PRDM6: variants seen among roughly 807,000 people sequenced by gnomAD.
PRDM6 encodes the protein putative histone-lysine N-methyltransferase PRDM6.
A neutral mutation model predicts 60.8 loss-of-function variants in PRDM6; 25 were observed. The ratio of observed to expected loss-of-function variants is 0.41; its 90% CI spans 0.30 to 0.57. PRDM6 has a LOEUF of 0.57. Ranked by LOEUF, PRDM6 falls within the 20% of genes least tolerant of loss-of-function variation. The pLI, the probability that PRDM6 is intolerant of heterozygous loss-of-function variation, is 0.27. For synonymous variants in PRDM6, 407 were observed against 357.4 expected, an observed-to-expected ratio of 1.14 and a Z score of -1.57; for missense variants, 839 against 821.3, an observed-to-expected ratio of 1.02 and a Z score of -0.26.
chr5:123,120,573 C>T (rs1411557254), intron 3 of PRDM6, among the ~76,000 whole-genome samples: 2 of 152,152 alleles, frequency 1.3e-5, no homozygotes, highest in Non-Finnish European at 2.9e-5. Flanking sequence ...TTTAAATTCT[C>T]ACAGCTCACC....
chr5:123,137,930 G>T (rs1234696084), intron 3 of PRDM6, among the ~76,000 whole-genome samples: 1 of 152,116 alleles, frequency 6.6e-6, no homozygotes, highest in African/African-American at 2.4e-5. Context: ...GTCATTTTAA[G>T]AATATTAAGT....
chr5:123,110,635 T>C (rs970794323), intron 3 of PRDM6, among the ~76,000 whole-genome samples: 1 of 149,428 alleles, frequency 6.7e-6, no homozygotes, highest in Non-Finnish European at 1.5e-5. Context: ...TGGCACAGTC[T>C]TGGCTCACCG....
intron 6 of PRDM6, among the ~76,000 whole-genome samples, chr5:123,178,201 A>G (rs1218186938): frequency 1.3e-5 from 2 of 152,030 alleles, no homozygotes; most frequent in African/African-American, 4.8e-5. Context: ...GCAGAGTTAG[A>G]AAAAAAAGAA....
chr5:123,110,568 CTTTTTTTT>C (rs974674301), intron 3 of PRDM6, among the ~76,000 whole-genome samples: 1 of 116,928 alleles, frequency 8.6e-6, no homozygotes. Flanking sequence ...TTTTTTTTTT[CTTTTTTTT>C]TTTTTTTTGA....
At chr5:123,125,098 T>C (rs1764663539) in intron 3 of PRDM6, among the ~76,000 whole-genome samples, 1 of 150,302 alleles carries the variant, frequency 6.7e-6, no homozygotes. Flanking sequence ...TGCGTTTTTC[T>C]GAAAACCCTC....
At chr5:123,129,415 G>A (rs958278079) in intron 3 of PRDM6, among the ~76,000 whole-genome samples, 1 of 152,112 alleles carries the variant, frequency 6.6e-6, no homozygotes, top group Non-Finnish European at 1.5e-5. Flanking sequence ...TCTTCCATTT[G>A]TTAGCGTCCT....
At chr5:123,165,141 C>G (rs1765725021) in intron 5 of PRDM6, among the ~76,000 whole-genome samples, 1 of 152,160 alleles carries the variant, frequency 6.6e-6, no homozygotes, top group African/African-American at 2.4e-5. Flanking sequence ...CCCAGATTTC[C>G]ATTTTCAATC....
chr5:123,107,400 C>T (rs1764219455), intron 3 of PRDM6, among the ~76,000 whole-genome samples: 1 of 152,164 alleles, frequency 6.6e-6, no homozygotes, highest in South Asian at 2.1e-4. Context: ...CAAAATGCTG[C>T]AGGTTTTCCT....
chr5:123,140,876 A>T (rs1484051730), intron 3 of PRDM6, among the ~76,000 whole-genome samples: 1 of 152,120 alleles, frequency 6.6e-6, no homozygotes, highest in Non-Finnish European at 1.5e-5. Context: ...AATTTTAATT[A>T]TAGGTATTAT....
intron 5 of PRDM6, 53 bp from the exon 6 acceptor site, chr5:123,170,713 C>T: frequency 8.1e-7 from 1 of 1,239,988 alleles, no homozygotes; most frequent in Non-Finnish European, 1.1e-6. Context: ...TGTTATTGTG[C>T]TTATTTTAAA....
chr5:123,165,134 A>G (rs923639941), intron 5 of PRDM6, among the ~76,000 whole-genome samples: 7 of 152,164 alleles, frequency 4.6e-5, no homozygotes, highest in Admixed American at 1.3e-4. Flanking sequence ...AGGTACTCCC[A>G]GATTTCCATT....
chr5:123,180,353 T>C lies in PRDM6; in HGVS notation c.1673+30T>C, dbSNP rs958748199. ...GTAGTGGCTAGCCCTCCACCCTCTC[T>C]TTCTCTTAGCCTTTCCCAAGAGCCA... On this transcript the variant is annotated intron_variant, in intron 7 of 7. Coordinates refer to ENST00000407847, the MANE Select transcript of PRDM6 (RefSeq NM_001136239.4). 3 of 1,528,004 alleles carry C rather than the reference T, an allele frequency of 2.0e-6. No homozygotes were observed. The African/African-American group carries it at 4.1e-5, about 21-fold the overall frequency. 94.7% of individuals were successfully genotyped at this position (1,528,004 alleles called of 1,614,324 possible). A position where few individuals can be genotyped will look rare whatever the true frequency, so the allele number is the denominator to read the frequency against.
chr5:123,166,326 C>T (rs1765751935), intron 5 of PRDM6, among the ~76,000 whole-genome samples: 2 of 152,228 alleles, frequency 1.3e-5, no homozygotes, highest in South Asian at 4.1e-4. Flanking sequence ...TGTATGATGC[C>T]CGTGTACCCC....
intron 4 of PRDM6, among the ~76,000 whole-genome samples, chr5:123,157,552 C>T (rs139938663): frequency 6.6e-6 from 1 of 152,288 alleles, no homozygotes; most frequent in East Asian, 1.9e-4. Flanking sequence ...GGCGCTTACA[C>T]TATGAGCTCT....
chr5:123,133,829 CAA>C (rs35835120), intron 3 of PRDM6, among the ~76,000 whole-genome samples: 104 of 136,024 alleles, frequency 7.6e-4, no homozygotes, highest in Middle Eastern at 4.2e-3. Flanking sequence ...GTTTATCAAT[CAA>C]AAAAAAAAAA....
intron 3 of PRDM6, among the ~76,000 whole-genome samples, chr5:123,155,593 G>C (rs372182904): frequency 2.0e-5 from 3 of 152,000 alleles, no homozygotes; most frequent in African/African-American, 7.3e-5. Flanking sequence ...TTTAAGACTA[G>C]CCTGTCAAAA....
chr5:123,153,766 G>C (rs1022946352), intron 3 of PRDM6, among the ~76,000 whole-genome samples: 2 of 152,092 alleles, frequency 1.3e-5, no homozygotes, highest in Non-Finnish European at 2.9e-5. Flanking sequence ...AGGTGGACTG[G>C]TTAGTGGCTG....
chr5:123,106,893 A>T (rs1764208554), intron 3 of PRDM6, among the ~76,000 whole-genome samples: 1 of 152,220 alleles, frequency 6.6e-6, no homozygotes, highest in African/African-American at 2.4e-5. Context: ...GTATAGACAG[A>T]TTTCAGCAAT....
intron 3 of PRDM6, among the ~76,000 whole-genome samples, chr5:123,145,467 C>T (rs564048685): frequency 1.6e-4 from 24 of 152,278 alleles, no homozygotes; most frequent in African/African-American, 5.3e-4. Flanking sequence ...CAAGACTCAT[C>T]GTTACTGTCA....
Sources: gnomAD v4.1 joint callset for allele counts (sites outside exome capture counted in the v4.1 genomes callset) on GRCh38, gnomAD v4.1.1 for gene constraint, MANE v1.5 for transcripts, NCBI Gene and HGNC (gene_info 2026-07-23, HGNC 2026-07-21) for gene names.